Variants in ADAMTSL1 observed in about 807,000 individuals in gnomAD.
ADAMTSL1 encodes the protein ADAMTS like 1, also known as ADAMTS-like protein 1.
ADAMTSL1 carries 126 observed loss-of-function variants against 201.8 expected under a neutral mutation model. The ratio of observed to expected loss-of-function variants is 0.62; its 90% CI spans 0.54 to 0.72. The LOEUF (loss-of-function observed/expected upper bound fraction) is 0.72. Ranked by LOEUF, ADAMTSL1 falls within the 30% of genes least tolerant of loss-of-function variation. ADAMTSL1 has a pLI of 0.00. For missense variants in ADAMTSL1, 2,679 were observed against 2,277.8 expected, an observed-to-expected ratio of 1.18 and a Z score of -3.59; for synonymous variants, 1,121 against 903.4, an observed-to-expected ratio of 1.24 and a Z score of -4.32.
At chr9:18,567,596 C>G (rs1454750916) in intron 3 of ADAMTSL1, among the ~76,000 whole-genome samples, 3 of 152,136 alleles carry the variant, frequency 2.0e-5, no homozygotes, top group East Asian at 1.9e-4. Flanking sequence ...TTTCCAGTGT[C>G]TTAGATGTCC....
rs558560924 is a variant in ADAMTSL1, at chr9:18,079,091, G to A, written c.88-84771G>A. ...GCCCCATAGATGCAGCCCTCATTAG[G>A]GTTGACTCAAGAGGGCAGGTATCCC... On this transcript the variant is annotated intron_variant, in intron 1 of 29. Coordinates refer to the ADAMTSL1 transcript ENST00000680146. 1.4e-3 allele frequency among the ~76,000 whole-genome samples: 212 copies of A among 152,212 alleles called. 1 individual carries two copies. Among genetic ancestry groups the A allele is most frequent in the African/African-American group, 4.7e-3 (196 of 41,532 alleles).
intron 2 of ADAMTSL1, among the ~76,000 whole-genome samples, chr9:18,264,257 C>A (rs1832036244): frequency 6.6e-6 from 1 of 152,054 alleles, no homozygotes; most frequent in African/African-American, 2.4e-5. Flanking sequence ...TTTCTTGATT[C>A]TGGCTATCTC....
At chr9:17,929,744 A>C (rs1001030188) in intron 1 of ADAMTSL1, among the ~76,000 whole-genome samples, 3 of 152,200 alleles carry the variant, frequency 2.0e-5, no homozygotes, top group African/African-American at 7.2e-5. Flanking sequence ...TCACTTCCCC[A>C]GAAAGTCCTG....
At chr9:18,670,586 C>G (rs976817348) in intron 9 of ADAMTSL1, among the ~76,000 whole-genome samples, 1 of 152,188 alleles carries the variant, frequency 6.6e-6, no homozygotes, top group Non-Finnish European at 1.5e-5. Context: ...AGTTTCTTTC[C>G]TTCCTTTCCT....
At chr9:18,341,618 G>A (rs1222549987) in intron 2 of ADAMTSL1, among the ~76,000 whole-genome samples, 1 of 152,036 alleles carries the variant, frequency 6.6e-6, no homozygotes, top group Non-Finnish European at 1.5e-5. Context: ...TAATTTATAA[G>A]TATTTAATAA....
chr9:18,099,145 C>T (rs1824380386), intron 1 of ADAMTSL1, among the ~76,000 whole-genome samples: 1 of 147,966 alleles, frequency 6.8e-6, no homozygotes, highest in Admixed American at 6.8e-5. Flanking sequence ...TTTTTGGTGC[C>T]CTTTATATTT....
chr9:18,688,558 C>A (rs1483305054), intron 13 of ADAMTSL1, among the ~76,000 whole-genome samples: 1 of 145,030 alleles, frequency 6.9e-6, no homozygotes, highest in African/African-American at 2.6e-5. Flanking sequence ...TTCGCAGCTA[C>A]TCAGGAGTCT....
chr9:18,269,136 C>A (rs184480073), intron 2 of ADAMTSL1, among the ~76,000 whole-genome samples: 1 of 152,014 alleles, frequency 6.6e-6, no homozygotes, highest in East Asian at 1.9e-4. Flanking sequence ...ATAAATAATC[C>A]TTATGCTACA....
intron 4 of ADAMTSL1, among the ~76,000 whole-genome samples, chr9:18,600,769 G>C (rs79663669): frequency 6.6e-6 from 1 of 152,032 alleles, no homozygotes; most frequent in Non-Finnish European, 1.5e-5. Context: ...AACATTTGAG[G>C]TAAAGAGCAA....
intron 13 of ADAMTSL1, among the ~76,000 whole-genome samples, chr9:18,686,568 C>A (rs1169736300): frequency 6.6e-6 from 1 of 152,166 alleles, no homozygotes; most frequent in Non-Finnish European, 1.5e-5. Context: ...CTGGTGACTC[C>A]TTTTATATCC....
chr9:18,239,542 C>A (rs560047885), intron 2 of ADAMTSL1, among the ~76,000 whole-genome samples: 1 of 152,048 alleles, frequency 6.6e-6, no homozygotes, highest in East Asian at 1.9e-4. Flanking sequence ...AGTTTGAGAC[C>A]AGCCTGGCCA....
chr9:18,172,800 AATAG>A (rs1315257904), intron 2 of ADAMTSL1, among the ~76,000 whole-genome samples: 12 of 152,280 alleles, frequency 7.9e-5, no homozygotes, highest in Middle Eastern at 3.4e-3. Context: ...CATGTATTAA[AATAG>A]ATAGATTTCA....
chr9:18,806,436 C>G (rs1823123714), intron 20 of ADAMTSL1, among the ~76,000 whole-genome samples: 1 of 152,180 alleles, frequency 6.6e-6, no homozygotes, highest in African/African-American at 2.4e-5. Flanking sequence ...GCAAGTCACT[C>G]TCTGCCATGG....
chr9:18,726,117 A>C (rs1817873145), intron 15 of ADAMTSL1, among the ~76,000 whole-genome samples: 1 of 152,204 alleles, frequency 6.6e-6, no homozygotes, highest in African/African-American at 2.4e-5. Context: ...TTTCATTTTC[A>C]AACTAGTACT....
intron 1 of ADAMTSL1, among the ~76,000 whole-genome samples, chr9:18,032,784 C>T (rs1369366285): frequency 6.6e-6 from 1 of 152,186 alleles, no homozygotes; most frequent in African/African-American, 2.4e-5. Context: ...TGGCCAGAAT[C>T]ACAGAAGTCT....
intron 2 of ADAMTSL1, among the ~76,000 whole-genome samples, chr9:18,264,616 A>C (rs933945811): frequency 3.9e-5 from 6 of 152,198 alleles, no homozygotes; most frequent in African/African-American, 1.4e-4. Context: ...ATTAGACAGT[A>C]AAGAAGTAGA....
At chr9:18,879,289 T>G (rs549574714) in intron 23 of ADAMTSL1, among the ~76,000 whole-genome samples, 1 of 152,312 alleles carries the variant, frequency 6.6e-6, no homozygotes, top group Non-Finnish European at 1.5e-5. Context: ...ACTTGCAAAT[T>G]AGAAAACTGA....
chr9:17,957,253 C>G (rs1827967305), intron 1 of ADAMTSL1, among the ~76,000 whole-genome samples: 1 of 152,156 alleles, frequency 6.6e-6, no homozygotes, highest in African/African-American at 2.4e-5. Flanking sequence ...GAATCAGAGC[C>G]TAGAAGAGCC....
At chr9:18,615,462 T>G (rs746948054) in intron 4 of ADAMTSL1, among the ~76,000 whole-genome samples, 1 of 152,174 alleles carries the variant, frequency 6.6e-6, no homozygotes, top group Non-Finnish European at 1.5e-5. Flanking sequence ...GAGGTAATGA[T>G]CTTGATTAGA....
Sources: gnomAD v4.1 joint callset for allele counts (sites outside exome capture counted in the v4.1 genomes callset) on GRCh38, gnomAD v4.1.1 for gene constraint, MANE v1.5 for transcripts, NCBI Gene and HGNC (gene_info 2026-07-23, HGNC 2026-07-21) for gene names.